Variants in FCHO2 observed in about 807,000 individuals in gnomAD.
The protein encoded by FCHO2 is FCH and mu domain containing endocytic adaptor 2.
Under a neutral mutation model 114.1 loss-of-function variants are expected in FCHO2, and 43 were observed. The ratio of observed to expected loss-of-function variants is 0.38; its 90% CI spans 0.30 to 0.49. The LOEUF (loss-of-function observed/expected upper bound fraction) is 0.49, where lower values mean the gene tolerates loss of function less well. Ranked by LOEUF, FCHO2 falls within the 20% of genes least tolerant of loss-of-function variation. The pLI is 0.97. For synonymous variants in FCHO2, 293 were observed against 315.2 expected (o/e 0.93, Z 0.75); for missense variants, 807 against 950.4 (o/e 0.85, Z 1.98).
At chr5:73,036,709 T>C (rs891435207) in intron 9 of FCHO2, among the ~76,000 whole-genome samples, 3 of 152,180 alleles carry the variant, frequency 2.0e-5, no homozygotes, top group Admixed American at 6.5e-5. Context: ...TGCTGTATCA[T>C]CTTTTTATCT....
chr5:72,966,204 C>G (rs1752191528), intron 1 of FCHO2, among the ~76,000 whole-genome samples: 1 of 152,108 alleles, frequency 6.6e-6, no homozygotes, highest in African/African-American at 2.4e-5. Context: ...ATAGCGAGAC[C>G]CTGTTTCTAC....
At chr5:73,010,616 C>A (rs1434833022) in intron 6 of FCHO2, among the ~76,000 whole-genome samples, 1 of 151,994 alleles carries the variant, frequency 6.6e-6, no homozygotes, top group Non-Finnish European at 1.5e-5. Flanking sequence ...GTGGCTCACG[C>A]CTGTAATCCC....
At chr5:73,030,044 T>TG (rs1756149839) in intron 8 of FCHO2, among the ~76,000 whole-genome samples, 1 of 137,488 alleles carries the variant, frequency 7.3e-6, no homozygotes, top group African/African-American at 2.7e-5. Context: ...TCTTTCTTTT[T>TG]GTTTTTTTTT....
At chr5:72,986,948 G>A (rs1390804499) in intron 2 of FCHO2, among the ~76,000 whole-genome samples, 2 of 147,486 alleles carry the variant, frequency 1.4e-5, no homozygotes, top group Non-Finnish European at 3.0e-5. Context: ...GCACCATCTC[G>A]GCTCACTGCA....
intron 17 of FCHO2, among the ~76,000 whole-genome samples, chr5:73,061,014 A>T (rs1757827220): frequency 6.6e-6 from 1 of 151,828 alleles, no homozygotes; most frequent in South Asian, 2.1e-4. Context: ...TCACAAAAAA[A>T]AAAAAAACCG....
At chr5:73,056,141 G>T in intron 16 of FCHO2, 34 bp downstream of exon 16, 1 of 1,482,988 alleles carries the variant, frequency 6.7e-7, no homozygotes, top group Non-Finnish European at 9.0e-7. Context: ...TTAAAAAATA[G>T]ACTTTATTTT....
At chr5:72,966,292 T>G (rs922836869) in intron 1 of FCHO2, among the ~76,000 whole-genome samples, 1 of 152,236 alleles carries the variant, frequency 6.6e-6, no homozygotes, top group Non-Finnish European at 1.5e-5. Context: ...TCTTAAAAAG[T>G]TCACCGAAGG....
chr5:73,037,630 G>C (rs888895524), intron 10 of FCHO2: 1 of 218,594 alleles, frequency 4.6e-6, no homozygotes, highest in African/African-American at 2.4e-5. Flanking sequence ...ACAGGCACAT[G>C]GTGATACCTA....
intron 19 of FCHO2, among the ~76,000 whole-genome samples, chr5:73,074,306 G>A (rs1401932857): frequency 6.6e-6 from 1 of 151,918 alleles, no homozygotes; most frequent in South Asian, 2.1e-4. Flanking sequence ...TAATAATAAT[G>A]AGTAGTGTAT....
chr5:73,039,099 C>T (rs1756676243), intron 10 of FCHO2, among the ~76,000 whole-genome samples: 1 of 152,150 alleles, frequency 6.6e-6, no homozygotes, highest in Non-Finnish European at 1.5e-5. Flanking sequence ...AATAGTAGAG[C>T]AGAAAGCCAC....
At chr5:73,087,857 T>G in intron 25 of FCHO2, 104 bp downstream of exon 25, 3 of 1,484,154 alleles carry the variant, frequency 2.0e-6, no homozygotes. Context: ...GACATGGAAA[T>G]TTTTTCTTTA....
At chr5:72,984,807 AT>A (rs111235840) in intron 2 of FCHO2, among the ~76,000 whole-genome samples, 1 of 150,922 alleles carries the variant, frequency 6.6e-6, no homozygotes, top group Non-Finnish European at 1.5e-5. Context: ...TAATTTTTGT[AT>A]TTTTTTTTGT....
At chr5:72,996,020 A>G (rs1351952008) in intron 5 of FCHO2, among the ~76,000 whole-genome samples, 1 of 152,128 alleles carries the variant, frequency 6.6e-6, no homozygotes, top group Non-Finnish European at 1.5e-5. Flanking sequence ...CGGTGGGTGG[A>G]TCACCTGAGG....
At chr5:73,027,018 G>GTTTTGTTTTTT (rs1755971613) in intron 8 of FCHO2, among the ~76,000 whole-genome samples, 1 of 107,128 alleles carries the variant, frequency 9.3e-6, no homozygotes. Context: ...TTGTTTGTTT[G>GTTTTGTTTTTT]TTTTTTTTTT....
chr5:72,959,756 C>G (rs1579991865), intron 1 of FCHO2, among the ~76,000 whole-genome samples: 2 of 150,712 alleles, frequency 1.3e-5, no homozygotes, highest in Admixed American at 6.6e-5. Flanking sequence ...GTCTTGTCTT[C>G]TCTTCTCTCT....
At chr5:72,976,577 G>A (rs1752896149) in intron 2 of FCHO2, among the ~76,000 whole-genome samples, 1 of 151,784 alleles carries the variant, frequency 6.6e-6, no homozygotes, top group African/African-American at 2.4e-5. Context: ...AAGGTCTTTG[G>A]CTCATTTTTG....
chr5:73,063,041 T>C (rs1757921688), intron 17 of FCHO2, among the ~76,000 whole-genome samples: 1 of 152,090 alleles, frequency 6.6e-6, no homozygotes, highest in African/African-American at 2.4e-5. Flanking sequence ...TTAAACATGA[T>C]TTTAAAGAGG....
At chr5:73,076,958 A>G (rs1742933566) in intron 20 of FCHO2, among the ~76,000 whole-genome samples, 1 of 152,184 alleles carries the variant, frequency 6.6e-6, no homozygotes, top group Admixed American at 6.5e-5. Flanking sequence ...TACCATCACC[A>G]TCACCAGGCC....
chr5:72,999,378 CTTTTTTTTTT>C (rs762347449), intron 5 of FCHO2, among the ~76,000 whole-genome samples: 2 of 100,542 alleles, frequency 2.0e-5, no homozygotes, highest in South Asian at 6.6e-4. Context: ...ATTCACAGGC[CTTTTTTTTTT>C]TTTTTTTTTT....
Sources: gnomAD v4.1 joint callset for allele counts (sites outside exome capture counted in the v4.1 genomes callset) on GRCh38, gnomAD v4.1.1 for gene constraint, MANE v1.5 for transcripts, NCBI Gene and HGNC (gene_info 2026-07-23, HGNC 2026-07-21) for gene names.